LIMK2: variants seen among roughly 807,000 people sequenced by gnomAD.
LIMK2 encodes LIM domain kinase 2.
Under a neutral mutation model 75.7 loss-of-function variants are expected in LIMK2, and 35 were observed. The observed-to-expected ratio is 0.46, with a 90% CI of 0.35 to 0.61. The LOEUF (loss-of-function observed/expected upper bound fraction) is 0.61, where lower values mean the gene tolerates loss of function less well. Ranked by LOEUF, LIMK2 falls within the 20% of genes least tolerant of loss-of-function variation. The pLI is 0.00. For synonymous variants in LIMK2, 301 were observed against 319.2 expected, an observed-to-expected ratio of 0.94 and a Z score of 0.61; for missense variants, 623 against 831.0, an observed-to-expected ratio of 0.75 and a Z score of 3.08.
At position 31,259,993 on chromosome 22, in the gene LIMK2, CG is replaced by C; in HGVS notation, c.469del (p.Ala157ProfsTer26). On this transcript the variant is annotated frameshift_variant, in exon 5 of 16. Transcript: ENST00000331728. LOFTEE classifies it high-confidence loss of function. The part of the protein sequence containing the change: ...LPYSVTLISM[P>X]ATTEGRRGFS... ...TACTCTGTCACGCTCATCTCCATGC[CG>C]GCCACCACTGAAGGCAGGCGGGGCT... 1 of 1,611,566 alleles carries C rather than the reference CG, an allele frequency of 6.2e-7. No homozygotes were observed. The highest frequency in any genetic ancestry group is 1.3e-5 in the African/African-American group (1 of 74,904).
intron 14 of LIMK2, 27 bp from the exon 15 acceptor site, chr22:31,275,124 G>T: frequency 1.2e-6 from 2 of 1,612,824 alleles, no homozygotes; most frequent in Middle Eastern, 3.3e-4. Context: ...GTAGTCCTTT[G>T]TAAACAGCTG....
chr22:31,256,483 G>A (rs1476729072), intron 2 of LIMK2, among the ~76,000 whole-genome samples: 1 of 149,194 alleles, frequency 6.7e-6, no homozygotes, highest in Non-Finnish European at 1.5e-5. Flanking sequence ...TGGGATTATA[G>A]GTGCATGCCA....
chr22:31,226,178 CTTA>C (rs2048475650), intron 2 of LIMK2, among the ~76,000 whole-genome samples: 1 of 145,924 alleles, frequency 6.9e-6, no homozygotes, highest in Non-Finnish European at 1.5e-5. Context: ...TGTTTGTATT[CTTA>C]TTTTATTTTA....
chr22:31,271,779 A>G (rs1335835229), intron 12 of LIMK2, among the ~76,000 whole-genome samples: 1 of 152,122 alleles, frequency 6.6e-6, no homozygotes, highest in Non-Finnish European at 1.5e-5. Flanking sequence ...CTATTCAAAG[A>G]GCTTGTCTCC....
chr22:31,241,897 A>G (rs2048626643), intron 2 of LIMK2, among the ~76,000 whole-genome samples: 1 of 152,186 alleles, frequency 6.6e-6, no homozygotes, highest in Non-Finnish European at 1.5e-5. Flanking sequence ...AGGGAAGCCC[A>G]GAGATGTTAA....
chr22:31,261,343 C>T (rs2048836426), intron 5 of LIMK2, among the ~76,000 whole-genome samples: 1 of 152,002 alleles, frequency 6.6e-6, no homozygotes, highest in Admixed American at 6.5e-5. Flanking sequence ...GTCAGGAGAT[C>T]AAGACCATCC....
chr22:31,261,525 G>A (rs1489582709), intron 5 of LIMK2, among the ~76,000 whole-genome samples: 1 of 143,626 alleles, frequency 7.0e-6, no homozygotes, highest in African/African-American at 2.6e-5. Flanking sequence ...CAGCCTGAGC[G>A]ACAGAGCGAG....
At chr22:31,254,592 G>A (rs939052412) in intron 2 of LIMK2, among the ~76,000 whole-genome samples, 39 of 152,182 alleles carry the variant, frequency 2.6e-4, no homozygotes, top group African/African-American at 8.9e-4. Context: ...GAAGGCAGGA[G>A]GCAAGAAGGA....
At chr22:31,236,745 C>A (rs2048579171) in intron 2 of LIMK2, among the ~76,000 whole-genome samples, 2 of 150,622 alleles carry the variant, frequency 1.3e-5, no homozygotes, top group Admixed American at 1.3e-4. Flanking sequence ...GAAACCCCAT[C>A]TCAACTGAAA....
chr22:31,215,043 C>T (rs1458196425), intron 1 of LIMK2, among the ~76,000 whole-genome samples: 3 of 152,160 alleles, frequency 2.0e-5, no homozygotes, highest in Admixed American at 1.3e-4. Context: ...GCAGTCCACC[C>T]GCCTTGGACT....
intron 2 of LIMK2, among the ~76,000 whole-genome samples, chr22:31,246,183 GCACACACA>G (rs57524309): frequency 1.3e-3 from 170 of 135,084 alleles, no homozygotes; most frequent in African/African-American, 3.8e-3. Context: ...ACGCACGCAC[GCACACACA>G]CACACACACA....
chr22:31,242,533 T>G (rs1051659333), intron 2 of LIMK2, among the ~76,000 whole-genome samples: 2 of 152,214 alleles, frequency 1.3e-5, no homozygotes, highest in Admixed American at 1.3e-4. Context: ...ACATATTTTC[T>G]TTTTTCAATA....
intron 1 of LIMK2, among the ~76,000 whole-genome samples, chr22:31,217,964 T>G (rs2048401821): frequency 6.6e-6 from 1 of 152,196 alleles, no homozygotes; most frequent in Non-Finnish European, 1.5e-5. Flanking sequence ...GCCTTGTACA[T>G]GGGCACATAG....
chr22:31,259,419 C>T (rs1277105458), intron 4 of LIMK2, among the ~76,000 whole-genome samples, 189 bp downstream of exon 4: 1 of 152,006 alleles, frequency 6.6e-6, no homozygotes, highest in African/African-American at 2.4e-5. Context: ...ACCCTTTTTC[C>T]TTACCAACCT....
intron 2 of LIMK2, among the ~76,000 whole-genome samples, chr22:31,243,943 G>T (rs540612112): frequency 2.6e-5 from 4 of 152,234 alleles, no homozygotes; most frequent in South Asian, 4.1e-4. Flanking sequence ...TCCTTCAAAG[G>T]TTCCTCCTGA....
chr22:31,273,389 A>G (rs1445095104), intron 13 of LIMK2, 63 bp from the exon 14 acceptor site: 2 of 1,451,418 alleles, frequency 1.4e-6, no homozygotes, highest in Non-Finnish European at 1.9e-6. Flanking sequence ...GATTGACCCT[A>G]GACCCAGTGC....
At chr22:31,276,863 T>C in intron 15 of LIMK2, 1 of 1,611,546 alleles carries the variant, frequency 6.2e-7, no homozygotes, top group Non-Finnish European at 8.5e-7. Flanking sequence ...CAAGGGAAGG[T>C]CACCATCAAG....
rs1379496757 is a variant in LIMK2, at chr22:31,267,865, G to C, written c.1218G>C (p.Glu406Asp). ...YKDKKLNLLT[E>D]YIEGGTLKDF... ...ATAAGAAGCTGAACCTCCTGACAGAGTACATTGAGGGGGGCACACTGAAGG... is the reference window on the plus strand; with the variant it reads ...ATAAGAAGCTGAACCTCCTGACAGACTACATTGAGGGGGGCACACTGAAGG... Residue 406 changes from glutamate to aspartate, a missense_variant, in exon 10 of 16, where the codon GAG (glutamate) becomes GAC (aspartate). Around this residue, in one of 3 missense-constraint regions of LIMK2, gnomAD observed 514 missense variants for 661.3 expected, o/e 0.78. Coordinates refer to ENST00000331728, the MANE Select transcript of LIMK2 (RefSeq NM_005569.4). The C allele has an allele frequency of 2.5e-6, 4 of 1,612,552 alleles. No homozygotes were observed. The South Asian group carries it at 4.4e-5, about 18-fold the overall frequency.
At chr22:31,246,183 GCA>G (rs57524309) in intron 2 of LIMK2, among the ~76,000 whole-genome samples, 30,797 of 134,790 alleles carry the variant, frequency 0.23, 4,554 homozygotes, top group African/African-American at 0.44. Context: ...ACGCACGCAC[GCA>G]CACACACACA....
Sources: gnomAD v4.1 joint callset for allele counts (sites outside exome capture counted in the v4.1 genomes callset) on GRCh38, gnomAD v4.1.1 for gene constraint, gnomAD v4.1.1 regional missense constraint, MANE v1.5 for transcripts, NCBI Gene and HGNC (gene_info 2026-07-23, HGNC 2026-07-21) for gene names.